Variants in RUNX1 observed in about 807,000 individuals in gnomAD.
RUNX1 encodes the protein RUNX family transcription factor 1.
RUNX1 carries 19 observed loss-of-function variants against 42.8 expected under a neutral mutation model. That is an observed-to-expected ratio of 0.44 (90% CI 0.31 to 0.65). The LOEUF is 0.65. RUNX1 is among the 30% of genes least tolerant of loss of function. RUNX1 has a pLI of 0.07. For synonymous variants in RUNX1, 271 were observed against 289.4 expected, an observed-to-expected ratio of 0.94 and a Z score of 0.64; for missense variants, 528 against 672.0, an observed-to-expected ratio of 0.79 and a Z score of 2.37.
chr21:34,864,738 T>C (rs1486019871), intron 5 of RUNX1, among the ~76,000 whole-genome samples: 2 of 152,202 alleles, frequency 1.3e-5, no homozygotes, highest in Non-Finnish European at 2.9e-5. Context: ...CAGCATCAGT[T>C]CCAGCCAGGG....
chr21:34,987,625 C>G (rs911457008), intron 2 of RUNX1, among the ~76,000 whole-genome samples: 4 of 152,020 alleles, frequency 2.6e-5, no homozygotes, highest in Non-Finnish European at 2.9e-5. Flanking sequence ...GGTTAGGAGG[C>G]CTCCTTTGAA....
intron 5 of RUNX1, 137 bp downstream of exon 5, chr21:34,880,420 A>T: frequency 1.3e-6 from 1 of 768,752 alleles, no homozygotes; most frequent in Non-Finnish European, 2.2e-6. Flanking sequence ...AAATATTTTT[A>T]AGAGCTTGAC....
intron 2 of RUNX1, among the ~76,000 whole-genome samples, chr21:34,973,821 A>G (rs1355128813): frequency 1.3e-5 from 2 of 152,320 alleles, no homozygotes; most frequent in East Asian, 3.9e-4. Context: ...CACATGAATG[A>G]CACCAAATCC....
chr21:34,877,337 T>G (rs59205832), intron 5 of RUNX1, among the ~76,000 whole-genome samples: 11 of 152,242 alleles, frequency 7.2e-5, no homozygotes, highest in African/African-American at 1.9e-4. Context: ...TTCAATTTTT[T>G]GGGGGTGTCA....
At chr21:34,854,322 T>C (rs2146207768) in intron 6 of RUNX1, among the ~76,000 whole-genome samples, 1 of 152,274 alleles carries the variant, frequency 6.6e-6, no homozygotes, top group African/African-American at 2.4e-5. Flanking sequence ...ATTTTAACTA[T>C]AACTCCCTCT....
chr21:35,012,316 G>A (rs1020274345), intron 2 of RUNX1, among the ~76,000 whole-genome samples: 1 of 152,060 alleles, frequency 6.6e-6, no homozygotes, highest in East Asian at 1.9e-4. Context: ...TCCTTTTCTA[G>A]GATTATGAGA....
chr21:34,995,163 C>T (rs567774825), intron 2 of RUNX1, among the ~76,000 whole-genome samples: 2 of 152,188 alleles, frequency 1.3e-5, no homozygotes, highest in African/African-American at 2.4e-5. Flanking sequence ...CTGGTGGCCA[C>T]GGAGGCCCCA....
rs139023162 is a variant in RUNX1, at chr21:34,853,895, T to C, written c.613+5579A>G. On this transcript the variant is annotated intron_variant, in intron 6 of 8. Coordinates refer to ENST00000675419, the MANE Select transcript of RUNX1 (RefSeq NM_001754.5). ...TGGCACCATCTCGGCTCACTGCAAC[T>C]TCCGCCTCCTGGGTTCAACCGATTC... Among the ~76,000 whole-genome samples the C allele has an allele frequency of 1.5e-3, 227 of 150,878 alleles. 1 individual carries two copies. Among genetic ancestry groups the C allele is most frequent in the South Asian group, 2.3e-3 (11 of 4,720 alleles).
chr21:34,881,282 CAAAA>C (rs1299733902), intron 4 of RUNX1, among the ~76,000 whole-genome samples: 1 of 151,982 alleles, frequency 6.6e-6, no homozygotes, highest in Non-Finnish European at 1.5e-5. Flanking sequence ...TAAAACAAAA[CAAAA>C]AAACACAAAA....
intron 2 of RUNX1, among the ~76,000 whole-genome samples, chr21:35,012,197 G>A (rs766660654): frequency 1.2e-4 from 19 of 152,154 alleles, no homozygotes; most frequent in Non-Finnish European, 2.4e-4. Context: ...TTGTGTATGT[G>A]TCTGGATGCC....
chr21:34,949,142 G>A (rs1423884472), intron 2 of RUNX1, among the ~76,000 whole-genome samples: 1 of 152,158 alleles, frequency 6.6e-6, no homozygotes, highest in Non-Finnish European at 1.5e-5. Context: ...TGGAGATTTG[G>A]AAGAAAGAGA....
chr21:34,997,647 C>T (rs994299257), intron 2 of RUNX1, among the ~76,000 whole-genome samples: 3 of 152,070 alleles, frequency 2.0e-5, no homozygotes, highest in African/African-American at 7.3e-5. Context: ...GCTTACACCC[C>T]AGGCAGGAAC....
At chr21:34,931,402 A>C (rs1213759945) in intron 2 of RUNX1, among the ~76,000 whole-genome samples, 1 of 145,204 alleles carries the variant, frequency 6.9e-6, no homozygotes, top group Admixed American at 6.9e-5. Flanking sequence ...TAATATATAC[A>C]CGTGTATATA....
chr21:34,914,819 T>C (rs896058065), intron 2 of RUNX1, among the ~76,000 whole-genome samples: 3 of 152,242 alleles, frequency 2.0e-5, no homozygotes, highest in South Asian at 2.1e-4. Flanking sequence ...TGGATCTGCA[T>C]GTGTCCCACT....
chr21:34,953,497 G>A (rs1200405364), intron 2 of RUNX1, among the ~76,000 whole-genome samples: 1 of 152,188 alleles, frequency 6.6e-6, no homozygotes, highest in Admixed American at 6.5e-5. Context: ...AAACATCATT[G>A]TGAATGGATG....
intron 2 of RUNX1, among the ~76,000 whole-genome samples, chr21:35,048,344 G>C (rs990191665): frequency 1.3e-5 from 2 of 152,196 alleles, no homozygotes; most frequent in South Asian, 4.1e-4. Context: ...CTGGTGCAAG[G>C]CTATCTGAGA....
intron 2 of RUNX1, among the ~76,000 whole-genome samples, chr21:34,997,969 G>A (rs1437298716): frequency 1.3e-5 from 2 of 152,158 alleles, no homozygotes; most frequent in East Asian, 1.9e-4. Context: ...CACTTGGGCT[G>A]AGCGTATGGT....
At chr21:35,032,763 C>T (rs1029393071) in intron 2 of RUNX1, among the ~76,000 whole-genome samples, 1 of 152,230 alleles carries the variant, frequency 6.6e-6, no homozygotes, top group African/African-American at 2.4e-5. Flanking sequence ...CTAATATTCC[C>T]ACATACAGCT....
chr21:34,889,803 C>T lies in RUNX1; in HGVS notation c.98-2707G>A, dbSNP rs1188284979. ...CGCTGCCAACTCCGACCCCGCCCGG[C>T]GGGGCTCCCTCCCAGCGGAGGCTGC... is the stretch of plus-strand genomic sequence containing the variant. On this transcript the variant is annotated intron_variant, in intron 3 of 8. Transcript: ENST00000675419. The T allele has an allele frequency of 6.2e-6, 7 of 1,129,356 alleles. No homozygotes were observed. The South Asian group carries it at 7.6e-5, about 12-fold the overall frequency. 70.0% of individuals were successfully genotyped at this position (1,129,356 alleles called of 1,614,324 possible). A position where few individuals can be genotyped will look rare whatever the true frequency, so the allele number is the denominator to read the frequency against.
Sources: allele counts gnomAD v4.1 joint callset (sites outside exome capture counted in the v4.1 genomes callset), GRCh38; gene constraint gnomAD v4.1.1; transcripts MANE v1.5; gene names NCBI Gene and HGNC (gene_info 2026-07-23, HGNC 2026-07-21).